Variants in TMTC4 observed in about 807,000 individuals in gnomAD.
TMTC4 encodes transmembrane O-mannosyltransferase targeting cadherins 4.
A neutral mutation model predicts 86.0 loss-of-function variants in TMTC4; 65 were observed. The observed-to-expected ratio is 0.76, with a 90% CI of 0.62 to 0.93. The LOEUF (loss-of-function observed/expected upper bound fraction) is 0.93, where lower values mean the gene tolerates loss of function less well. Ranked by LOEUF, TMTC4 falls within the 40% of genes least tolerant of loss-of-function variation. TMTC4 has a pLI of 0.00. For synonymous variants in TMTC4, 379 were observed against 382.5 expected, an observed-to-expected ratio of 0.99 and a Z score of 0.11; for missense variants, 866 against 948.1, an observed-to-expected ratio of 0.91 and a Z score of 1.14.
intron 2 of TMTC4, 72 bp from the exon 3 acceptor site, chr13:100,668,866 G>C: frequency 1.4e-6 from 2 of 1,407,116 alleles, no homozygotes; most frequent in Non-Finnish European, 9.9e-7. Context: ...GGCACCGTGA[G>C]TAAGAGCTAG....
In TMTC4 at chr13:100,614,271, C is replaced by G. The variant is rs79807894; in HGVS notation, c.1951+45G>C. The G allele has an allele frequency of 3.8e-3, 5,414 of 1,434,188 alleles. 15 individuals carry two copies. Among genetic ancestry groups the G allele is most frequent in the Non-Finnish European group, 4.7e-3 (4,857 of 1,029,074 alleles). The allele number at this position is 1,434,188 out of a possible 1,614,324, so 88.8% of individuals were successfully genotyped here. A position where few individuals can be genotyped will look rare whatever the true frequency, so the allele number is the denominator to read the frequency against. On this transcript the variant is annotated intron_variant, in intron 16 of 18. Transcript: ENST00000342624. ...TTCCTAAGTCTTCGGTGGCATTTTA[C>G]TGTGGAGCCATTTCCTGTGATTTGT...
chr13:100,613,820 C>G (rs972355031), intron 16 of TMTC4, among the ~76,000 whole-genome samples: 7 of 118,958 alleles, frequency 5.9e-5, no homozygotes, highest in African/African-American at 1.8e-4. Flanking sequence ...CTCCCTCCCT[C>G]CCCCTCTCCC....
chr13:100,620,699 T>C (rs975065533), intron 15 of TMTC4, among the ~76,000 whole-genome samples: 1 of 152,060 alleles, frequency 6.6e-6, no homozygotes, highest in African/African-American at 2.4e-5. Context: ...CTAAGATTAG[T>C]AATATGTCCC....
intron 6 of TMTC4, among the ~76,000 whole-genome samples, chr13:100,647,156 T>C (rs1056518325): frequency 2.0e-5 from 3 of 152,256 alleles, no homozygotes; most frequent in African/African-American, 7.2e-5. Flanking sequence ...CACATGTTCC[T>C]GAGTCTGGGT....
Position 100,637,688 on chromosome 13 carries a change from G to A in TMTC4, c.849C>T (p.Leu283=), listed in dbSNP as rs148903408. The stretch of plus-strand genomic sequence containing the variant: ...TTCTGAAGAGGAGGCCCCCGTTCCT[G>A]AGCATGCCGAGATTCTGCAAGGACA... ...KDKSLENLGM[L]RNGGLLFRMT... Residue 283 remains leucine (L), a synonymous_variant, in exon 9 of 19, where the codon CTC becomes CTT. Coordinates refer to ENST00000342624, the MANE Select transcript of TMTC4 (RefSeq NM_032813.5). The A allele has an allele frequency of 8.1e-6, 13 of 1,613,804 alleles. No homozygotes were observed. In the African/African-American group the frequency reaches 1.7e-4, roughly 22 times the overall value.
Position 100,663,134 on chromosome 13 carries a change from C to G in TMTC4, c.382G>C (p.Val128Leu). ...CCACTGTGCAGGAGGATGTTGACCACGTGAAAGCCCACGGGGTGGAAGCCT... is the reference window on the plus strand; with the variant it reads ...CCACTGTGCAGGAGGATGTTGACCAGGTGAAAGCCCACGGGGTGGAAGCCT... ...SGGFHPVGFH[V>L]VNILLHSGIS... The change falls in exon 5 of 19, where the codon GTG becomes CTG. Residue 128 changes from valine to leucine, a missense_variant. Physicochemically the swap from Val to Leu is conservative, Grantham distance 32 (BLOSUM62 1). Transcript: ENST00000342624. 1 of 1,614,190 alleles carries G rather than the reference C, an allele frequency of 6.2e-7. No homozygotes were observed. The highest frequency in any genetic ancestry group is 8.5e-7 in the Non-Finnish European group (1 of 1,180,034).
chr13:100,634,829 C>G lies in TMTC4; in HGVS notation c.1482G>C (p.Leu494=). The G allele has an allele frequency of 6.2e-7, 1 of 1,614,108 alleles. No homozygotes were observed. The highest frequency in any genetic ancestry group is 8.5e-7 in the Non-Finnish European group (1 of 1,179,998). Residue 494 remains leucine, a synonymous_variant, in exon 12 of 19, where the codon CTG becomes CTC. Coordinates refer to ENST00000342624, the MANE Select transcript of TMTC4 (RefSeq NM_032813.5). The part of the protein sequence containing the change: ...RSEEQLFRSA[L]SVCPLNAKVH... Reference sequence around the variant, plus strand: ...CCTTAGCATTGAGGGGACACACAGACAGAGCACTTCTGAAAAGCTGTTCCT... The same window carrying G: ...CCTTAGCATTGAGGGGACACACAGAGAGAGCACTTCTGAAAAGCTGTTCCT...
chr13:100,664,381 A>G lies in TMTC4; in HGVS notation c.220-45T>C, dbSNP rs760821197. On this transcript the variant is annotated intron_variant, in intron 3 of 18. Coordinates refer to ENST00000342624, the MANE Select transcript of TMTC4 (RefSeq NM_032813.5). Reference sequence around the variant, plus strand: ...ATGTTCTGGACAAGGGTCTCCCATCAGCCCTAAGCCAAGCTCCTCCATCTC... The same window carrying G: ...ATGTTCTGGACAAGGGTCTCCCATCGGCCCTAAGCCAAGCTCCTCCATCTC... 4 of 1,444,210 alleles carry G rather than the reference A, an allele frequency of 2.8e-6. No individual in the cohort carries two copies. The Admixed American group carries it at 6.7e-5, about 24-fold the overall frequency. 89.5% of individuals were successfully genotyped at this position (1,444,210 alleles called of 1,614,324 possible). A position where few individuals can be genotyped will look rare whatever the true frequency, so the allele number is the denominator to read the frequency against.
At position 100,605,009 on chromosome 13, in the gene TMTC4, T is replaced by C. The variant is rs764960343; in HGVS notation, c.2268A>G (p.Gln756=). ...GLLRRKLELM[Q]KKAV is the part of the protein sequence containing the mutation. ...GGAAACAGGATCAGACAGCTTTCTTTTGCATTAGTTCTAGCTTTCTTCTCA... is the reference window on the plus strand; with the variant it reads ...GGAAACAGGATCAGACAGCTTTCTTCTGCATTAGTTCTAGCTTTCTTCTCA... Residue 756 remains glutamine (Q), a synonymous_variant, in exon 19 of 19, where the codon CAA becomes CAG. Coordinates refer to ENST00000342624, the MANE Select transcript of TMTC4 (RefSeq NM_032813.5). The surrounding 1 kb of genome is among the most constrained non-coding windows in gnomAD (Gnocchi z 4.3). The C allele has an allele frequency of 4.3e-6, 7 of 1,613,516 alleles. No individual in the cohort carries two copies. The Admixed American group carries it at 6.7e-5, about 15-fold the overall frequency.
Position 100,605,273 on chromosome 13 carries a change from T to G in TMTC4, c.2135-131A>C, listed in dbSNP as rs962129306. On this transcript the variant is annotated intron_variant, in intron 18 of 18. Transcript: ENST00000342624. This position sits in a 1 kb window ranked among gnomAD's most constrained non-coding sequence, Gnocchi z 4.3. Reference sequence around the variant, plus strand: ...CAAAAGTCAATTGTATGAAACAATATTGTTTGTACTGAAAACTCTATTTAT... The same window carrying G: ...CAAAAGTCAATTGTATGAAACAATAGTGTTTGTACTGAAAACTCTATTTAT... 19 of 1,073,264 alleles carry G rather than the reference T, an allele frequency of 1.8e-5. No individual in the cohort carries two copies. Among genetic ancestry groups the G allele is most frequent in the Non-Finnish European group, 2.4e-5 (18 of 756,192 alleles). 66.5% of individuals were successfully genotyped at this position (1,073,264 alleles called of 1,614,324 possible).
At chr13:100,623,109 C>T (rs1879798659) in intron 15 of TMTC4, among the ~76,000 whole-genome samples, 1 of 152,202 alleles carries the variant, frequency 6.6e-6, no homozygotes, top group Non-Finnish European at 1.5e-5. Flanking sequence ...GATTGTTCCC[C>T]ACAAACCATG....
At chr13:100,637,442 G>T in intron 9 of TMTC4, 96 bp downstream of exon 9, 1 of 1,454,746 alleles carries the variant, frequency 6.9e-7, no homozygotes, top group Non-Finnish European at 9.2e-7. Context: ...GGATTTTGTT[G>T]GCGTGCAGAG....
At chr13:100,606,470 TGAA>T (rs1490427484) in intron 17 of TMTC4, 43 bp from the exon 18 acceptor site, 1 of 1,546,586 alleles carries the variant, frequency 6.5e-7, no homozygotes, top group Non-Finnish European at 8.9e-7. Context: ...TTATTGTACA[TGAA>T]GCAAAAGCAG....
At chr13:100,669,737 CCAAAA>C (rs1258726101) in intron 2 of TMTC4, among the ~76,000 whole-genome samples, 1 of 152,072 alleles carries the variant, frequency 6.6e-6, no homozygotes, top group African/African-American at 2.4e-5. Context: ...TTGGAATTCG[CCAAAA>C]CAAATCTCAA....
intron 6 of TMTC4, among the ~76,000 whole-genome samples, chr13:100,647,433 A>G (rs933533453): frequency 6.6e-6 from 1 of 150,884 alleles, no homozygotes; most frequent in African/African-American, 2.4e-5. Context: ...ATCCCATCCC[A>G]CCAAACTGTT....
chr13:100,614,176 A>G (rs570651126), intron 16 of TMTC4, 140 bp downstream of exon 16: 1 of 683,626 alleles, frequency 1.5e-6, no homozygotes, highest in East Asian at 2.8e-5. Flanking sequence ...ACATTTTTGT[A>G]ATAGAAAATA....
At chr13:100,634,426 A>G (rs1044274530) in intron 12 of TMTC4, among the ~76,000 whole-genome samples, 1 of 152,036 alleles carries the variant, frequency 6.6e-6, no homozygotes, top group Non-Finnish European at 1.5e-5. Context: ...ATCACTAGAG[A>G]GTGGGTTTTG....
intron 6 of TMTC4, among the ~76,000 whole-genome samples, chr13:100,643,528 A>C (rs1164663510): frequency 3.3e-5 from 5 of 152,264 alleles, no homozygotes. Flanking sequence ...TTGCAAATGC[A>C]AAATATATCT....
intron 12 of TMTC4, among the ~76,000 whole-genome samples, chr13:100,629,048 G>A (rs1003596026): frequency 6.6e-6 from 1 of 152,050 alleles, no homozygotes; most frequent in Admixed American, 6.6e-5. Flanking sequence ...ACTTGGGAGG[G>A]TGAGACAGGA....
Sources: allele counts gnomAD v4.1 joint callset (sites outside exome capture counted in the v4.1 genomes callset), GRCh38; gene constraint gnomAD v4.1.1; non-coding constraint Gnocchi (gnomAD v3.1); transcripts MANE v1.5; gene names NCBI Gene and HGNC (gene_info 2026-07-23, HGNC 2026-07-21).